Variants in TMEM176A observed in about 807,000 individuals in gnomAD.
The protein encoded by TMEM176A is transmembrane protein 176A.
Under a neutral mutation model 27.9 loss-of-function variants are expected in TMEM176A, and 20 were observed. The ratio of observed to expected loss-of-function variants is 0.72; its 90% CI spans 0.50 to 1.04. The LOEUF (loss-of-function observed/expected upper bound fraction) is 1.04. Ranked by LOEUF, TMEM176A falls within the 50% of genes least tolerant of loss-of-function variation. The pLI is 0.00. For missense variants in TMEM176A, 252 were observed against 289.1 expected (o/e 0.87, Z 0.93); for synonymous variants, 125 against 118.0 (o/e 1.06, Z -0.38).
rs1454926217 is a variant in TMEM176A, at chr7:150,801,742, C to A, written c.174+18C>A. On this transcript the variant is annotated intron_variant, in intron 2 of 6. Coordinates refer to ENST00000004103, the MANE Select transcript of TMEM176A (RefSeq NM_018487.3). ...CCTCGTGGGTGAGTGTGACGGCCTGCCTCGTCGGGCGGCGGGAGGAACTCC... is the reference window on the plus strand; with the variant it reads ...CCTCGTGGGTGAGTGTGACGGCCTGACTCGTCGGGCGGCGGGAGGAACTCC... The A allele has an allele frequency of 1.3e-6, 2 of 1,488,236 alleles. No homozygotes were observed. Among genetic ancestry groups the A allele is most frequent in the Non-Finnish European group, 1.8e-6 (2 of 1,129,114 alleles). The allele number at this position is 1,488,236 out of a possible 1,614,324, so 92.2% of individuals were successfully genotyped here. A position where few individuals can be genotyped will look rare whatever the true frequency, so the allele number is the denominator to read the frequency against.
At chr7:150,803,979 C>T (rs974017769) in intron 5 of TMEM176A, 147 bp downstream of exon 5, 3 of 724,312 alleles carry the variant, frequency 4.1e-6, no homozygotes, top group East Asian at 5.4e-5. Context: ...AAGCATCAGA[C>T]AAAATAGAAA....
At chr7:150,804,284 G>A (rs1423764576) in intron 5 of TMEM176A, 78 bp from the exon 6 acceptor site, 27 of 1,200,194 alleles carry the variant, frequency 2.2e-5, no homozygotes, top group Middle Eastern at 2.2e-4. Flanking sequence ...GATTTTCCCA[G>A]GTCAATAAGG....
intron 3 of TMEM176A, chr7:150,803,185 G>A: frequency 7.8e-7 from 1 of 1,288,676 alleles, no homozygotes; most frequent in South Asian, 2.7e-5. Flanking sequence ...TTGACCACAA[G>A]CTCTTAGGTG....
At chr7:150,803,211 C>T in intron 3 of TMEM176A, 189 bp from the exon 4 acceptor site, 1 of 1,337,522 alleles carries the variant, frequency 7.5e-7, no homozygotes, top group South Asian at 2.3e-5. Context: ...AAAGCAGGGC[C>T]TTTTGCAGCC....
At position 150,803,745 on chromosome 7, in the gene TMEM176A, G is replaced by T. The variant is rs141661619; in HGVS notation, c.468G>T (p.Ser156=). 6.2e-7 allele frequency: 1 copy of T among 1,613,992 alleles called. No individual in the cohort carries two copies. The highest frequency in any genetic ancestry group is 1.3e-5 in the African/African-American group (1 of 74,886). The change falls in exon 5 of 7, where the codon TCG becomes TCT. Residue 156 remains serine, a synonymous_variant. Coordinates refer to ENST00000004103, the MANE Select transcript of TMEM176A (RefSeq NM_018487.3). ...ACAGTGCCTGCCGCATCTCCAGCTC[G>T]AGTGACTGGAACACTCCAGCCCCCA... ...YYNSACRISS[S]SDWNTPAPTQ...
intron 5 of TMEM176A, 50 bp downstream of exon 5, chr7:150,803,882 G>A: frequency 6.4e-7 from 1 of 1,570,734 alleles, no homozygotes; most frequent in Non-Finnish European, 8.7e-7. Flanking sequence ...GGGATGGCCA[G>A]GCCAGGCCAG....
At position 150,804,420 on chromosome 7, in the gene TMEM176A, C is replaced by T. The variant is rs144414851; in HGVS notation, c.614C>T (p.Ala205Val). ...GGTGTCTGGATTCTGCTGCTTCTGG[C>T]ATCTCTGACCCCTCTGTGGCTGTAC... is the stretch of plus-strand genomic sequence containing the variant. The part of the protein sequence containing the change: ...LLGVWILLLL[A>V]SLTPLWLYCW... The change falls in exon 6 of 7, where the codon GCA becomes GTA. Residue 205 changes from alanine to valine, a missense_variant. Ala to Val is a moderately conservative substitution (Grantham distance 64). Transcript: ENST00000004103. 3 of 1,614,190 alleles carry T rather than the reference C, an allele frequency of 1.9e-6. No homozygotes were observed. In the Admixed American group the frequency reaches 5.0e-5, roughly 27 times the overall value.
At chr7:150,802,622 A>G in intron 3 of TMEM176A, 2 of 910,792 alleles carry the variant, frequency 2.2e-6, no homozygotes, top group South Asian at 6.1e-5. Context: ...ATCTCCAGAT[A>G]CTTGCATTGA....
At chr7:150,804,285 G>A (rs1798875700) in intron 5 of TMEM176A, 77 bp from the exon 6 acceptor site, 1 of 1,216,044 alleles carries the variant, frequency 8.2e-7, no homozygotes, top group Non-Finnish European at 1.2e-6. Flanking sequence ...ATTTTCCCAG[G>A]TCAATAAGGA....
chr7:150,801,742 C>T lies in TMEM176A; in HGVS notation c.174+18C>T, dbSNP rs1454926217. 2.0e-6 allele frequency: 3 copies of T among 1,488,354 alleles called. No individual in the cohort carries two copies. Among genetic ancestry groups the T allele is most frequent in the East Asian group, 2.4e-5 (1 of 40,942 alleles). 92.2% of individuals were successfully genotyped at this position (1,488,354 alleles called of 1,614,324 possible). A position where few individuals can be genotyped will look rare whatever the true frequency, so the allele number is the denominator to read the frequency against. On this transcript the variant is annotated intron_variant, in intron 2 of 6. Transcript: ENST00000004103. ...CCTCGTGGGTGAGTGTGACGGCCTG[C>T]CTCGTCGGGCGGCGGGAGGAACTCC... is the stretch of plus-strand genomic sequence containing the variant.
At chr7:150,801,764 C>T (rs1191769976) in intron 2 of TMEM176A, 40 bp downstream of exon 2, 1 of 1,452,782 alleles carries the variant, frequency 6.9e-7, no homozygotes, top group Non-Finnish European at 9.0e-7. Flanking sequence ...GCGGGAGGAA[C>T]TCCCCACCTC....
Position 150,803,429 on chromosome 7 carries a change from T to C in TMEM176A, c.315T>C (p.Ile105=). Residue 105 remains isoleucine, a synonymous_variant, in exon 4 of 7, where the codon ATT becomes ATC. Transcript: ENST00000004103. ...TGCTGGCTGGAGCTGCTGCCTTCAT[T>C]TACGAGAAACGGGGTGGTACATACT... is the stretch of plus-strand genomic sequence containing the variant. ...VAVLAGAAAF[I]YEKRGGTYWA... The C allele has an allele frequency of 6.3e-7, 1 of 1,596,856 alleles. No homozygotes were observed. Among genetic ancestry groups the C allele is most frequent in the Non-Finnish European group, 8.5e-7 (1 of 1,172,332 alleles).
Position 150,801,668 on chromosome 7 carries a change from C to CT in TMEM176A, c.119dup (p.Arg41AlafsTer98), listed in dbSNP as rs1165157177. On this transcript the variant is annotated frameshift_variant, in exon 2 of 7. Coordinates refer to ENST00000004103, the MANE Select transcript of TMEM176A (RefSeq NM_018487.3). LOFTEE classifies it high-confidence loss of function. Reference sequence around the variant, plus strand: ...GCTCCTGCTCACCTGCTGCTCTGCGCTGCGGCCCCGGGCCACCCAGGCCAG... The same window carrying CT: ...GCTCCTGCTCACCTGCTGCTCTGCGCTTGCGGCCCCGGGCCACCCAGGCCAG... 1 of 1,610,060 alleles carries CT rather than the reference C, an allele frequency of 6.2e-7. No homozygotes were observed. Among genetic ancestry groups the CT allele is most frequent in the Middle Eastern group, 1.7e-4 (1 of 6,032 alleles).
At chr7:150,800,951 G>C (rs1346610493) in intron 1 of TMEM176A, 123 bp downstream of exon 1, 2 of 985,846 alleles carry the variant, frequency 2.0e-6, no homozygotes, top group African/African-American at 1.7e-5. Context: ...CCAGGAAGGG[G>C]ACTGCAGAGG....
Position 150,803,834 on chromosome 7 carries a change from T to C in TMEM176A, c.555+2T>C. 6.2e-7 allele frequency: 1 copy of C among 1,613,400 alleles called. No homozygotes were observed. Among genetic ancestry groups the C allele is most frequent in the Non-Finnish European group, 8.5e-7 (1 of 1,179,772 alleles). ...ACCTCCTTCATGGACATGCTGAAGGTAGGTGGCCAAGGGGAAGGGGCAGCA... is the reference window on the plus strand; with the variant it reads ...ACCTCCTTCATGGACATGCTGAAGGCAGGTGGCCAAGGGGAAGGGGCAGCA... On this transcript the variant is annotated splice_donor_variant, in intron 5 of 6. Coordinates refer to ENST00000004103, the MANE Select transcript of TMEM176A (RefSeq NM_018487.3). LOFTEE classifies it high-confidence loss of function.
intron 1 of TMEM176A, chr7:150,801,162 C>A: frequency 4.5e-6 from 1 of 220,918 alleles, no homozygotes; most frequent in Non-Finnish European, 7.9e-6. Context: ...AGGACTCGGT[C>A]CTGTCCCAGA....
At chr7:150,803,535 C>A in intron 4 of TMEM176A, 79 bp downstream of exon 4, 1 of 1,584,882 alleles carries the variant, frequency 6.3e-7, no homozygotes, top group South Asian at 1.2e-5. Flanking sequence ...TTGCAGGCTT[C>A]TCTGGGCCTT....
At position 150,805,029 on chromosome 7, in the gene TMEM176A, C is replaced by A; in HGVS notation, c.*161C>A. 1 of 705,268 alleles carries A rather than the reference C, an allele frequency of 1.4e-6. No individual in the cohort carries two copies. Among genetic ancestry groups the A allele is most frequent in the South Asian group, 1.6e-5 (1 of 60,894 alleles). 43.7% of individuals were successfully genotyped at this position (705,268 alleles called of 1,614,324 possible). Reference sequence around the variant, plus strand: ...ACAGCCCTGCTCCAGCAGCACTTGCCCATTCCTTACACCCCTTCCCCATCC... The same window carrying A: ...ACAGCCCTGCTCCAGCAGCACTTGCACATTCCTTACACCCCTTCCCCATCC... On this transcript the variant is annotated 3_prime_UTR_variant, in exon 7 of 7. Transcript: ENST00000004103.
chr7:150,802,598 C>A (rs1798836384), intron 3 of TMEM176A: 3 of 844,334 alleles, frequency 3.6e-6, no homozygotes, highest in East Asian at 3.7e-5. Context: ...AACTAAGGAT[C>A]TAAGGACCTG....
Sources: gnomAD v4.1 joint callset for allele counts on GRCh38, gnomAD v4.1.1 for gene constraint, MANE v1.5 for transcripts, NCBI Gene and HGNC (gene_info 2026-07-23, HGNC 2026-07-21) for gene names.